Variants in OTOF observed in about 807,000 individuals in gnomAD.
The protein encoded by OTOF is fer-1-like family member 2.
In OTOF, 218 loss-of-function variants were observed where a neutral mutation model predicts 236.8. The observed-to-expected ratio is 0.92, with a 90% CI of 0.82 to 1.03. OTOF has a LOEUF of 1.03. OTOF is among the 50% of genes least tolerant of loss of function. The pLI, the probability that OTOF is intolerant of heterozygous loss-of-function variation, is 0.00. For synonymous variants in OTOF, 1,041 were observed against 1,072.5 expected (o/e 0.97, Z 0.57); for missense variants, 2,590 against 2,694.4 (o/e 0.96, Z 0.86).
Position 26,479,324 on chromosome 2 carries a change from C to A in OTOF, c.2154G>T (p.Trp718Cys), listed in dbSNP as rs1351483718. The stretch of plus-strand genomic sequence containing the variant: ...TGTAGAGGCGGCGGCGCTGGTCCGG[C>A]CACCAGCTCTTGATGTAGATGCAGG... ...RKPCIYIKSW[W>C]PDQRRRLYNA... is the part of the protein sequence containing the mutation. Residue 718 changes from tryptophan to cysteine, a missense_variant, in exon 18 of 47, where the codon TGG becomes TGT. Around this residue, in one of 2 missense-constraint regions of OTOF, gnomAD observed 1,379 missense variants for 1,341.6 expected, o/e 1.03. Transcript: ENST00000272371. The A allele has an allele frequency of 6.2e-7, 1 of 1,612,584 alleles. No individual in the cohort carries two copies. The highest frequency in any genetic ancestry group is 1.7e-5 in the Admixed American group (1 of 59,958).
At chr2:26,532,092 CAAAAAA>C (rs150580671) in intron 2 of OTOF, among the ~76,000 whole-genome samples, 5 of 80,216 alleles carry the variant, frequency 6.2e-5, no homozygotes, top group Admixed American at 1.3e-4. Context: ...GACTCCACCT[CAAAAAA>C]AAAAAAAAAA....
chr2:26,475,345 G>A lies in OTOF; in HGVS notation c.3126+14C>T, dbSNP rs756782265. ...GGTGCTGCTGGGGTCCCTGGCACCAGAGCCCACCCATACCATGGAATCCTG... is the reference window on the plus strand; with the variant it reads ...GGTGCTGCTGGGGTCCCTGGCACCAAAGCCCACCCATACCATGGAATCCTG... On this transcript the variant is annotated intron_variant, in intron 25 of 46. Coordinates refer to ENST00000272371, the MANE Select transcript of OTOF (RefSeq NM_194248.3). 2.2e-5 allele frequency: 36 copies of A among 1,612,680 alleles called. No individual in the cohort carries two copies. The highest frequency in any genetic ancestry group is 2.7e-5 in the Non-Finnish European group (32 of 1,179,908).
chr2:26,508,966 T>C (rs191246892), intron 5 of OTOF, among the ~76,000 whole-genome samples: 1 of 152,316 alleles, frequency 6.6e-6, no homozygotes, highest in Admixed American at 6.5e-5. Flanking sequence ...CATGTGCTAA[T>C]TAGAGATGGT....
chr2:26,464,355 C>T (rs1664628808), intron 39 of OTOF, among the ~76,000 whole-genome samples: 1 of 151,916 alleles, frequency 6.6e-6, no homozygotes, highest in Admixed American at 6.6e-5. Flanking sequence ...GAGAGCCCTG[C>T]TGGGCTGAGA....
At position 26,489,395 on chromosome 2, in the gene OTOF, G is replaced by A. The variant is rs557034038; in HGVS notation, c.961-100C>T. The stretch of plus-strand genomic sequence containing the variant: ...GAGCTTTGTGGTGAAGTGGGAGGGC[G>A]TTGGCAGAGTGGGGTGGCTCACTGA... On this transcript the variant is annotated intron_variant, in intron 10 of 46. Transcript: ENST00000272371. 2.2e-4 allele frequency: 204 copies of A among 908,474 alleles called. 1 individual carries two copies. The South Asian group carries it at 2.6e-3, about 11-fold the overall frequency. 56.3% of individuals were successfully genotyped at this position (908,474 alleles called of 1,614,324 possible).
chr2:26,477,569 T>C lies in OTOF; in HGVS notation c.2316-63A>G. 6.3e-7 allele frequency: 1 copy of C among 1,596,480 alleles called. No individual in the cohort carries two copies. ...CAGCAGGGGCTCTGTAGATTCTTCC[T>C]CATCTGCCCAGCCCTGGCAGGGTCC... On this transcript the variant is annotated intron_variant, in intron 19 of 46. Transcript: ENST00000272371. This position sits in a 1 kb window ranked among gnomAD's most constrained non-coding sequence, Gnocchi z 4.7.
At chr2:26,529,661 C>T (rs1264168645) in intron 2 of OTOF, among the ~76,000 whole-genome samples, 9 of 152,176 alleles carry the variant, frequency 5.9e-5, no homozygotes, top group South Asian at 2.1e-4. Context: ...GCCAGCACCG[C>T]GGGTCACTGC....
In OTOF at chr2:26,464,028, C is replaced by A; in HGVS notation, c.5039G>T (p.Arg1680Leu). ...CGTCTCCACATGCTCTGGCACCAGG[C>A]GGCAGCCTGCGCGGGGGATGTCCTC... is the stretch of plus-strand genomic sequence containing the variant. ...HWEDIPRAGCRLVPEHVETRP... is the reference protein window; with the variant it reads ...HWEDIPRAGCLLVPEHVETRP... Residue 1680 changes from arginine to leucine, a missense_variant, in exon 40 of 47, where the codon CGC (arginine) becomes CTC (leucine). Physicochemically the swap from Arg to Leu is moderately radical, Grantham distance 102. Coordinates refer to ENST00000272371, the MANE Select transcript of OTOF (RefSeq NM_194248.3). 2 of 1,613,704 alleles carry A rather than the reference C, an allele frequency of 1.2e-6. No homozygotes were observed. The highest frequency in any genetic ancestry group is 1.6e-4 in the Middle Eastern group (1 of 6,062).
At chr2:26,497,487 C>T (rs762795063) in intron 8 of OTOF, among the ~76,000 whole-genome samples, 5 of 152,154 alleles carry the variant, frequency 3.3e-5, no homozygotes, top group African/African-American at 7.2e-5. Flanking sequence ...CTTCTAAATA[C>T]GACTTTACTT....
chr2:26,492,826 G>T lies in OTOF; in HGVS notation c.897+2116C>A, dbSNP rs577583564. On this transcript the variant is annotated intron_variant, in intron 9 of 46. Coordinates refer to ENST00000272371, the MANE Select transcript of OTOF (RefSeq NM_194248.3). ...TGACCCAGACAGAGCAGGCAAGGCT[G>T]CTCAGTAGCAAGAACATTTGAGCTG... Among the ~76,000 whole-genome samples the T allele has an allele frequency of 2.0e-5, 3 of 152,350 alleles. No individual in the cohort carries two copies. In the South Asian group the frequency reaches 6.2e-4, roughly 32 times the overall value.
intron 2 of OTOF, among the ~76,000 whole-genome samples, chr2:26,533,642 A>G (rs901308837): frequency 3.3e-5 from 5 of 152,040 alleles, no homozygotes; most frequent in Admixed American, 2.0e-4. Flanking sequence ...CCTTTAGGTG[A>G]TCTCATCTGT....
intron 1 of OTOF, among the ~76,000 whole-genome samples, chr2:26,553,127 G>A (rs1239432447): frequency 6.6e-6 from 1 of 152,166 alleles, no homozygotes; most frequent in Admixed American, 6.5e-5. Context: ...ACAGTAGGGG[G>A]ACATCTTGTC....
intron 5 of OTOF, among the ~76,000 whole-genome samples, chr2:26,507,133 G>A (rs1292856405): frequency 1.3e-5 from 2 of 152,204 alleles, no homozygotes; most frequent in Non-Finnish European, 2.9e-5. Flanking sequence ...CTGTGTGCCT[G>A]GGAATATCTC....
Position 26,544,626 on chromosome 2 carries a change from G to A in OTOF, c.80-6852C>T, listed in dbSNP as rs1391269648. The stretch of plus-strand genomic sequence containing the variant: ...GGGTGCTTCTAGGGTTGGGCTATAT[G>A]AGCAAAGTTGCTGTAAACATTCATG... On this transcript the variant is annotated intron_variant, in intron 1 of 46. Coordinates refer to ENST00000272371, the MANE Select transcript of OTOF (RefSeq NM_194248.3). Among the ~76,000 whole-genome samples the A allele has an allele frequency of 4.6e-5, 7 of 152,304 alleles. No homozygotes were observed. In the East Asian group the frequency reaches 1.2e-3, roughly 25 times the overall value.
intron 8 of OTOF, among the ~76,000 whole-genome samples, chr2:26,499,159 G>A (rs1435313271): frequency 4.6e-5 from 7 of 152,142 alleles, no homozygotes; most frequent in African/African-American, 9.7e-5. Flanking sequence ...AGTGCCAAGC[G>A]TTGCTCACTC....
Position 26,457,625 on chromosome 2 carries a change from C to A in OTOF, c.*613G>T. Reference sequence around the variant, plus strand: ...GGGGTCACGGCGGGGATACCTTTTGCTCGTTCATTCTTTTTAAAGCCCTGG... The same window carrying A: ...GGGGTCACGGCGGGGATACCTTTTGATCGTTCATTCTTTTTAAAGCCCTGG... On this transcript the variant is annotated 3_prime_UTR_variant, in exon 47 of 47. Coordinates refer to ENST00000272371, the MANE Select transcript of OTOF (RefSeq NM_194248.3). The surrounding 1 kb of genome is among the most constrained non-coding windows in gnomAD (Gnocchi z 4.4). The A allele has an allele frequency of 5.7e-6, 1 of 176,162 alleles. No individual in the cohort carries two copies. The highest frequency in any genetic ancestry group is 1.2e-5 in the Non-Finnish European group (1 of 82,298). The allele number at this position is 176,162 out of a possible 1,614,324, so 10.9% of individuals were successfully genotyped here.
intron 34 of OTOF, 53 bp from the exon 35 acceptor site, chr2:26,467,286 C>T: frequency 6.2e-7 from 1 of 1,613,906 alleles, no homozygotes. Context: ...GGCTTTTGTC[C>T]TGCCCCACCT....
intron 1 of OTOF, among the ~76,000 whole-genome samples, chr2:26,557,678 C>T (rs903203869): frequency 6.6e-6 from 1 of 151,996 alleles, no homozygotes; most frequent in Non-Finnish European, 1.5e-5. Context: ...CCCGCTGGTC[C>T]TTCGGGTATT....
In OTOF at chr2:26,460,245, G is replaced by C. The variant is rs1430276657; in HGVS notation, c.5814-40C>G. The C allele has an allele frequency of 1.3e-6, 2 of 1,525,932 alleles. No individual in the cohort carries two copies. The highest frequency in any genetic ancestry group is 1.9e-5 in the Admixed American group (1 of 53,884). The allele number at this position is 1,525,932 out of a possible 1,614,324, so 94.5% of individuals were successfully genotyped here. A position where few individuals can be genotyped will look rare whatever the true frequency, so the allele number is the denominator to read the frequency against. On this transcript the variant is annotated intron_variant, in intron 45 of 46. Transcript: ENST00000272371. This position sits in a 1 kb window ranked among gnomAD's most constrained non-coding sequence, Gnocchi z 5.3. ...GTAGAGAGCGCAGAGGAGGGACAGGGAGGAGAAGGGATTGGGTGTGGCGAG... is the reference window on the plus strand; with the variant it reads ...GTAGAGAGCGCAGAGGAGGGACAGGCAGGAGAAGGGATTGGGTGTGGCGAG...
Sources: gnomAD v4.1 joint callset for allele counts (sites outside exome capture counted in the v4.1 genomes callset) on GRCh38, gnomAD v4.1.1 for gene constraint, gnomAD v4.1.1 regional missense constraint, Gnocchi (gnomAD v3.1) non-coding constraint, MANE v1.5 for transcripts, NCBI Gene and HGNC (gene_info 2026-07-23, HGNC 2026-07-21) for gene names.